Variants in GHR observed in about 807,000 individuals in gnomAD.
GHR encodes the protein growth hormone receptor, also known as GH receptor.
GHR carries 35 observed loss-of-function variants against 67.1 expected under a neutral mutation model. That is an observed-to-expected ratio of 0.52 (90% CI 0.40 to 0.69). The LOEUF (loss-of-function observed/expected upper bound fraction) is 0.69, where lower values mean the gene tolerates loss of function less well. Among genes scored for constraint, GHR ranks in the 30% least tolerant of loss-of-function variants. GHR has a pLI of 0.00. For synonymous variants in GHR, 272 were observed against 269.1 expected (o/e 1.01, Z -0.10); for missense variants, 792 against 764.6 (o/e 1.04, Z -0.42).
chr5:42,575,743 A>AG (rs1554021299), intron 2 of GHR, among the ~76,000 whole-genome samples: 1 of 150,714 alleles, frequency 6.6e-6, no homozygotes, highest in Admixed American at 6.6e-5. Flanking sequence ...AAAAAAAAAA[A>AG]GGTAAAGAGG....
chr5:42,716,073 T>G (rs1179023671), intron 8 of GHR, among the ~76,000 whole-genome samples: 1 of 152,006 alleles, frequency 6.6e-6, no homozygotes, highest in Non-Finnish European at 1.5e-5. Flanking sequence ...AAGTCAAACA[T>G]CAGCCATTTG....
intron 1 of GHR, among the ~76,000 whole-genome samples, chr5:42,434,644 C>G (rs1186202287): frequency 2.0e-5 from 3 of 152,178 alleles, no homozygotes; most frequent in Non-Finnish European, 4.4e-5. Context: ...TTAACATGGG[C>G]TATAACTATG....
intron 1 of GHR, among the ~76,000 whole-genome samples, chr5:42,457,616 G>T (rs1269448584): frequency 6.6e-6 from 1 of 152,130 alleles, no homozygotes; most frequent in Admixed American, 6.5e-5. Context: ...ACCAGACCTT[G>T]TTAACTGTTT....
intron 1 of GHR, among the ~76,000 whole-genome samples, chr5:42,434,416 A>G (rs1281250325): frequency 6.6e-6 from 1 of 152,216 alleles, no homozygotes; most frequent in Non-Finnish European, 1.5e-5. Context: ...GCAGTCCTAT[A>G]TAAGAAATTA....
At chr5:42,698,995 T>TAC (rs1757803629) in intron 5 of GHR, among the ~76,000 whole-genome samples, 2 of 152,206 alleles carry the variant, frequency 1.3e-5, no homozygotes, top group African/African-American at 4.8e-5. Flanking sequence ...CTGTAGAGTA[T>TAC]ATCAATAGAA....
At chr5:42,701,327 G>A (rs576608208) in intron 6 of GHR, among the ~76,000 whole-genome samples, 10 of 152,162 alleles carry the variant, frequency 6.6e-5, no homozygotes, top group Non-Finnish European at 1.2e-4. Flanking sequence ...TGATGAAGCT[G>A]TAAAAATTGT....
intron 3 of GHR, among the ~76,000 whole-genome samples, chr5:42,662,025 T>C (rs1443088607): frequency 6.6e-6 from 1 of 151,990 alleles, no homozygotes; most frequent in Non-Finnish European, 1.5e-5. Flanking sequence ...TACATAATGG[T>C]AAAGGGATCA....
intron 1 of GHR, among the ~76,000 whole-genome samples, chr5:42,479,432 A>T (rs990131882): frequency 1.3e-5 from 2 of 152,074 alleles, no homozygotes; most frequent in Non-Finnish European, 2.9e-5. Flanking sequence ...CTCTTTTTCT[A>T]TTGATTGGAA....
rs148428116 is a variant in GHR, at chr5:42,497,419, T to C, written c.-11-68445T>C. 2.8e-3 allele frequency among the ~76,000 whole-genome samples: 422 copies of C among 152,310 alleles called. 1 individual carries two copies. The highest frequency in any genetic ancestry group is 9.4e-3 in the African/African-American group (391 of 41,566). On this transcript the variant is annotated intron_variant, in intron 1 of 9. Transcript: ENST00000230882. Reference sequence around the variant, plus strand: ...TTTGACTTTAAGCTCTCTGGCTGTTTCATGGCAATGATTATTGGTGACAGT... The same window carrying C: ...TTTGACTTTAAGCTCTCTGGCTGTTCCATGGCAATGATTATTGGTGACAGT...
intron 2 of GHR, among the ~76,000 whole-genome samples, chr5:42,583,013 C>CATAGCCT (rs143486498): frequency 0.032 from 4,878 of 152,328 alleles, 122 homozygotes; most frequent in Middle Eastern, 0.075. Flanking sequence ...GCAACCCGAG[C>CATAGCCT]ATAGCCTACC....
intron 1 of GHR, chr5:42,467,653 T>G: frequency 6.2e-7 from 1 of 1,606,020 alleles, no homozygotes; most frequent in Non-Finnish European, 8.5e-7. Context: ...CTGTCCAGTG[T>G]GGATTCTCTG....
chr5:42,699,251 G>A (rs531072172), intron 5 of GHR, among the ~76,000 whole-genome samples: 7 of 152,274 alleles, frequency 4.6e-5, no homozygotes, highest in South Asian at 2.1e-4. Flanking sequence ...TGGTGCAGGC[G>A]GTGAGATATG....
chr5:42,496,311 A>G (rs893992641), intron 1 of GHR, among the ~76,000 whole-genome samples: 2 of 152,206 alleles, frequency 1.3e-5, no homozygotes, highest in Non-Finnish European at 2.9e-5. Context: ...AATTCAGTGT[A>G]CTAGGCTTCT....
chr5:42,471,180 G>A (rs554755925), intron 1 of GHR, among the ~76,000 whole-genome samples: 84 of 152,242 alleles, frequency 5.5e-4, no homozygotes, highest in African/African-American at 1.9e-3. Flanking sequence ...CTGGTGCCTG[G>A]TATAGCACTT....
In GHR at chr5:42,584,783, G is replaced by A. The variant is rs1317296956; in HGVS notation, c.70+18839G>A. On this transcript the variant is annotated intron_variant, in intron 2 of 9. Coordinates refer to ENST00000230882, the MANE Select transcript of GHR (RefSeq NM_000163.5). The stretch of plus-strand genomic sequence containing the variant: ...GATTATTCAGCTTCTTAACTAGAAT[G>A]TATACACACACACACACACACACAC... Among the ~76,000 whole-genome samples the A allele has an allele frequency of 3.1e-5, 4 of 130,108 alleles. No individual in the cohort carries two copies. The East Asian group carries it at 8.0e-4, about 26-fold the overall frequency. 85.4% of individuals were successfully genotyped at this position (130,108 alleles called of 152,430 possible). A position where few individuals can be genotyped will look rare whatever the true frequency, so the allele number is the denominator to read the frequency against.
intron 3 of GHR, among the ~76,000 whole-genome samples, chr5:42,686,694 A>G (rs756136556): frequency 7.2e-5 from 11 of 152,200 alleles, no homozygotes; most frequent in Non-Finnish European, 1.0e-4. Flanking sequence ...AATAAGAGCT[A>G]TTTTTGACAA....
intron 1 of GHR, among the ~76,000 whole-genome samples, chr5:42,488,363 G>C (rs1745971638): frequency 6.6e-6 from 1 of 152,162 alleles, no homozygotes; most frequent in Non-Finnish European, 1.5e-5. Flanking sequence ...AAATGGCTTA[G>C]CTGGAATTTG....
intron 1 of GHR, among the ~76,000 whole-genome samples, chr5:42,462,915 T>C (rs992811412): frequency 1.6e-4 from 25 of 152,228 alleles, no homozygotes; most frequent in Non-Finnish European, 3.1e-4. Flanking sequence ...TAGCATACAA[T>C]GTAACTTAAG....
chr5:42,424,574 C>G lies in GHR; in HGVS notation c.-12+619C>G. On this transcript the variant is annotated intron_variant, in intron 1 of 9. Transcript: ENST00000230882. The surrounding 1 kb of genome is among the most constrained non-coding windows in gnomAD (Gnocchi z 4.1). Reference sequence around the variant, plus strand: ...GATGGAACTGGGGTCAGTAGAGTGACAGCCACCAGTCCGCATGAACTGGGG... The same window carrying G: ...GATGGAACTGGGGTCAGTAGAGTGAGAGCCACCAGTCCGCATGAACTGGGG... The G allele has an allele frequency of 6.5e-7, 1 of 1,534,606 alleles. No homozygotes were observed. Among genetic ancestry groups the G allele is most frequent in the Non-Finnish European group, 8.7e-7 (1 of 1,146,004 alleles).
Sources: allele counts gnomAD v4.1 joint callset (sites outside exome capture counted in the v4.1 genomes callset), GRCh38; gene constraint gnomAD v4.1.1; non-coding constraint Gnocchi (gnomAD v3.1); transcripts MANE v1.5; gene names NCBI Gene and HGNC (gene_info 2026-07-23, HGNC 2026-07-21).